The following RPN2 variants were observed in gnomAD, a reference collection of about 807,000 sequenced individuals.
RPN2 encodes ribophorin II, also known as dolichyl-diphosphooligosaccharide--protein glycosyltransferase subunit 2.
Under a neutral mutation model 71.4 loss-of-function variants are expected in RPN2, and 29 were observed. The ratio of observed to expected loss-of-function variants is 0.41; its 90% CI spans 0.30 to 0.55. The LOEUF (loss-of-function observed/expected upper bound fraction) is 0.55. Among genes scored for constraint, RPN2 ranks in the 20% least tolerant of loss-of-function variants. The probability of loss-of-function intolerance (pLI) is 0.35; values close to 1 mark genes in which losing one functional copy is unlikely to be tolerated. For synonymous variants in RPN2, 308 were observed against 305.0 expected (o/e 1.01, Z -0.10); for missense variants, 726 against 774.1 (o/e 0.94, Z 0.74).
At chr20:37,238,056 TCAAGA>T (rs1569003781) in intron 16 of RPN2, among the ~76,000 whole-genome samples, 1 of 151,974 alleles carries the variant, frequency 6.6e-6, no homozygotes, top group Non-Finnish European at 1.5e-5. Flanking sequence ...AAGAAAAAAA[TCAAGA>T]CAAGAATTGA....
intron 4 of RPN2, among the ~76,000 whole-genome samples, chr20:37,202,689 T>TC (rs1368576766): frequency 6.6e-6 from 1 of 152,214 alleles, no homozygotes; most frequent in African/African-American, 2.4e-5. Context: ...CTTCCAGAAT[T>TC]ATAGATAAAA....
At chr20:37,212,550 G>T (rs940108958) in intron 8 of RPN2, among the ~76,000 whole-genome samples, 2 of 151,012 alleles carry the variant, frequency 1.3e-5, no homozygotes, top group Non-Finnish European at 2.9e-5. Flanking sequence ...GCGTGATCTT[G>T]GTTCACTGCA....
At position 37,209,818 on chromosome 20, in the gene RPN2, A is replaced by G. The variant is rs560837460; in HGVS notation, c.868-229A>G. Among the ~76,000 whole-genome samples, 5 of 152,142 alleles carry G rather than the reference A, an allele frequency of 3.3e-5. No individual in the cohort carries two copies. The East Asian group carries it at 9.7e-4, about 29-fold the overall frequency. ...TTTTAAAGATTCTGTAGTAGAGTGG[A>G]TAGAATAGGGAATCAGAAAGAAGGC... On this transcript the variant is annotated intron_variant, in intron 7 of 16. Transcript: ENST00000237530.
chr20:37,200,580 A>G (rs2067366096), intron 4 of RPN2: 1 of 502,760 alleles, frequency 2.0e-6, no homozygotes, highest in Non-Finnish European at 4.1e-6. Context: ...GCTGACAACC[A>G]GATTTTCTGT....
At position 37,202,218 on chromosome 20, in the gene RPN2, A is replaced by C. The variant is rs991827604; in HGVS notation, c.480-1667A>C. ...TCTGAGCACAGCGTTTATCACGGGC[A>C]GATGTGTGATTTTTGTCTTGTTTGG... On this transcript the variant is annotated intron_variant, in intron 4 of 16. Coordinates refer to ENST00000237530, the MANE Select transcript of RPN2 (RefSeq NM_002951.5). Among the ~76,000 whole-genome samples the C allele has an allele frequency of 8.8e-4, 134 of 152,340 alleles. 1 individual carries two copies. Among genetic ancestry groups the C allele is most frequent in the Admixed American group, 8.7e-3 (133 of 15,296 alleles).
At chr20:37,189,733 G>A (rs2067101408) in intron 2 of RPN2, among the ~76,000 whole-genome samples, 1 of 152,224 alleles carries the variant, frequency 6.6e-6, no homozygotes, top group Non-Finnish European at 1.5e-5. Flanking sequence ...TCTCTGCAAA[G>A]GGAGTTATGA....
At chr20:37,236,536 A>C in intron 15 of RPN2, 44 bp from the exon 16 acceptor site, 1 of 1,611,058 alleles carries the variant, frequency 6.2e-7, no homozygotes, top group Non-Finnish European at 8.5e-7. Flanking sequence ...GCAGGGCATC[A>C]TTATGTTTCA....
intron 4 of RPN2, among the ~76,000 whole-genome samples, chr20:37,201,952 A>G (rs945070418): frequency 1.1e-4 from 17 of 152,252 alleles, no homozygotes; most frequent in African/African-American, 4.1e-4. Context: ...CATCTGCTAT[A>G]TATTAGCAAG....
At chr20:37,237,398 A>T (rs1240840867) in intron 16 of RPN2, among the ~76,000 whole-genome samples, 1 of 152,232 alleles carries the variant, frequency 6.6e-6, no homozygotes, top group African/African-American at 2.4e-5. Flanking sequence ...CGCAAAGGCC[A>T]GTAAGAACAG....
chr20:37,225,689 G>C lies in RPN2; in HGVS notation c.1186G>C (p.Val396Leu), dbSNP rs2068058447. The C allele has an allele frequency of 6.2e-7, 1 of 1,609,966 alleles. No individual in the cohort carries two copies. Among genetic ancestry groups the C allele is most frequent in the Non-Finnish European group, 8.5e-7 (1 of 1,176,396 alleles). The change falls in exon 11 of 17, where the codon GTG becomes CTG. Residue 396 changes from valine to leucine, a missense_variant and splice_region_variant. By Grantham distance (32) the Val-to-Leu change is conservative. Transcript: ENST00000237530. ...ACTAACTCTATATGCCTCTTTCAGG[G>C]TGACATACCCAGCCAAAGCCAAGGG... is the stretch of plus-strand genomic sequence containing the variant. ...DQSIAPKTTR[V>L]TYPAKAKGTF...
At chr20:37,221,555 A>G (rs530968151) in intron 9 of RPN2, among the ~76,000 whole-genome samples, 1 of 152,110 alleles carries the variant, frequency 6.6e-6, no homozygotes, top group African/African-American at 2.4e-5. Context: ...ATCTTTCTTT[A>G]TTTAGCTAGT....
intron 11 of RPN2, among the ~76,000 whole-genome samples, chr20:37,226,576 A>C (rs1451819642): frequency 1.3e-5 from 2 of 152,232 alleles, no homozygotes; most frequent in Non-Finnish European, 2.9e-5. Flanking sequence ...TTTCAAAAGA[A>C]GACCCAAAGC....
At chr20:37,230,168 TCCTCACA>T (rs2068200764) in intron 13 of RPN2, 109 bp downstream of exon 13, 7 of 891,810 alleles carry the variant, frequency 7.8e-6, no homozygotes, top group Non-Finnish European at 1.3e-5. Flanking sequence ...TATAGTTTGA[TCCTCACA>T]CCCTGTGGAT....
chr20:37,232,642 T>G (rs1031833710), intron 14 of RPN2, among the ~76,000 whole-genome samples: 1 of 151,798 alleles, frequency 6.6e-6, no homozygotes, highest in African/African-American at 2.4e-5. Context: ...ATGACAAAAG[T>G]GGATGGACTG....
chr20:37,209,106 C>T (rs944993692), intron 7 of RPN2, among the ~76,000 whole-genome samples: 1 of 152,152 alleles, frequency 6.6e-6, no homozygotes, highest in Non-Finnish European at 1.5e-5. Context: ...GCCATGTGAC[C>T]TTTAGCAGTC....
chr20:37,200,874 CA>C (rs1015508768), intron 4 of RPN2, among the ~76,000 whole-genome samples: 1 of 151,822 alleles, frequency 6.6e-6, no homozygotes, highest in African/African-American at 2.4e-5. Flanking sequence ...CTACCTTCTA[CA>C]AAAAAAATTC....
At chr20:37,195,109 G>C (rs2067226476) in intron 2 of RPN2, among the ~76,000 whole-genome samples, 1 of 152,048 alleles carries the variant, frequency 6.6e-6, no homozygotes, top group East Asian at 1.9e-4. Flanking sequence ...GACATTTAGG[G>C]GGCAGTTTTC....
At chr20:37,184,437 T>G (rs1353327047) in intron 2 of RPN2, 64 bp downstream of exon 2, 3 of 1,320,866 alleles carry the variant, frequency 2.3e-6, no homozygotes, top group East Asian at 4.6e-5. Flanking sequence ...CTCACTATAT[T>G]CCTTTGGGGT....
intron 6 of RPN2, among the ~76,000 whole-genome samples, chr20:37,206,334 A>G (rs1004481061): frequency 6.6e-6 from 1 of 152,204 alleles, no homozygotes; most frequent in African/African-American, 2.4e-5. Flanking sequence ...CTTTGCCTCA[A>G]TGTACTACTT....
Sources: allele counts gnomAD v4.1 joint callset (sites outside exome capture counted in the v4.1 genomes callset), GRCh38; gene constraint gnomAD v4.1.1; transcripts MANE v1.5; gene names NCBI Gene and HGNC (gene_info 2026-07-23, HGNC 2026-07-21).